CUL2: variants seen among roughly 807,000 people sequenced by gnomAD.
The protein encoded by CUL2 is cullin 2.
A neutral mutation model predicts 110.2 loss-of-function variants in CUL2; 22 were observed. The ratio of observed to expected loss-of-function variants is 0.20; its 90% CI spans 0.14 to 0.28. CUL2 has a LOEUF of 0.28. Among genes scored for constraint, CUL2 ranks in the 10% least tolerant of loss-of-function variants. The pLI, the probability that CUL2 is intolerant of heterozygous loss-of-function variation, is 1.00. For missense variants in CUL2, 631 were observed against 905.5 expected, an observed-to-expected ratio of 0.70 and a Z score of 3.89; for synonymous variants, 279 against 293.2, an observed-to-expected ratio of 0.95 and a Z score of 0.49.
intron 8 of CUL2, among the ~76,000 whole-genome samples, chr10:35,041,835 C>A (rs143257978): frequency 1.3e-5 from 2 of 152,284 alleles, no homozygotes; most frequent in East Asian, 3.9e-4. Flanking sequence ...CCGTGCCCAG[C>A]CTGAAATAAG....
At chr10:35,072,678 T>G (rs1393769309) in intron 1 of CUL2, among the ~76,000 whole-genome samples, 1 of 152,192 alleles carries the variant, frequency 6.6e-6, no homozygotes, top group Non-Finnish European at 1.5e-5. Context: ...CAGAATGGGC[T>G]TTTAAGGGAG....
chr10:35,020,246 AAC>A (rs1340521764), intron 17 of CUL2, among the ~76,000 whole-genome samples: 4 of 152,218 alleles, frequency 2.6e-5, no homozygotes, highest in Non-Finnish European at 5.9e-5. Context: ...GTCTGTTCAA[AAC>A]AGTGTGTCAA....
intron 17 of CUL2, among the ~76,000 whole-genome samples, chr10:35,023,836 A>G (rs1282629962): frequency 4.6e-5 from 7 of 152,084 alleles, no homozygotes; most frequent in Non-Finnish European, 1.5e-5. Flanking sequence ...AAAATAGAAC[A>G]TATTGATTGA....
intron 17 of CUL2, among the ~76,000 whole-genome samples, chr10:35,018,362 C>T (rs1216089081): frequency 6.8e-6 from 1 of 146,660 alleles, no homozygotes; most frequent in African/African-American, 2.5e-5. Context: ...ATTGTTAACT[C>T]AAGGAAGCTG....
intron 17 of CUL2, among the ~76,000 whole-genome samples, chr10:35,017,587 G>A (rs1385020124): frequency 6.6e-6 from 1 of 151,814 alleles, no homozygotes; most frequent in Non-Finnish European, 1.5e-5. Context: ...CCAGCTACTC[G>A]GGAGGCTAAG....
chr10:35,055,177 A>G (rs993133191), intron 4 of CUL2, among the ~76,000 whole-genome samples: 1 of 152,254 alleles, frequency 6.6e-6, no homozygotes, highest in African/African-American at 2.4e-5. Flanking sequence ...GTAATGTTCA[A>G]CTGTGTAGTT....
intron 6 of CUL2, among the ~76,000 whole-genome samples, chr10:35,045,396 G>A (rs1246083407): frequency 6.9e-6 from 1 of 145,008 alleles, no homozygotes; most frequent in East Asian, 2.1e-4. Flanking sequence ...TGAGCTGCCT[G>A]GGCAATAGAG....
chr10:35,086,259 G>A (rs1370128410), intron 1 of CUL2, among the ~76,000 whole-genome samples: 1 of 151,966 alleles, frequency 6.6e-6, no homozygotes, highest in Admixed American at 6.6e-5. Context: ...CACTTAGGGA[G>A]GCTGAGGTGG....
intron 1 of CUL2, among the ~76,000 whole-genome samples, chr10:35,071,580 A>G (rs1378674808): frequency 6.6e-6 from 1 of 150,678 alleles, no homozygotes; most frequent in African/African-American, 2.4e-5. Context: ...AATTTTTTGT[A>G]TTTTTTTTTA....
intron 8 of CUL2, among the ~76,000 whole-genome samples, chr10:35,039,996 A>T (rs1182219287): frequency 6.6e-6 from 1 of 152,172 alleles, no homozygotes; most frequent in Non-Finnish European, 1.5e-5. Flanking sequence ...CTACAAAAAT[A>T]CAAAAAATTA....
chr10:35,024,943 A>C (rs1216351235), intron 17 of CUL2, among the ~76,000 whole-genome samples, 189 bp downstream of exon 17: 1 of 152,212 alleles, frequency 6.6e-6, no homozygotes. Context: ...CAAGATTATA[A>C]ACAGTGTAAT....
intron 2 of CUL2, among the ~76,000 whole-genome samples, chr10:35,099,808 C>A (rs931038921): frequency 6.6e-6 from 1 of 151,902 alleles, no homozygotes; most frequent in Non-Finnish European, 1.5e-5. Flanking sequence ...AGAATCTGAG[C>A]TAAGTGTCAA....
At chr10:35,053,348 C>G (rs576405863) in intron 5 of CUL2, among the ~76,000 whole-genome samples, 9 of 152,080 alleles carry the variant, frequency 5.9e-5, no homozygotes, top group Admixed American at 4.6e-4. Context: ...CAACATATAC[C>G]TATAATTTTG....
chr10:35,008,937 A>AT lies in CUL2; in HGVS notation c.*1373dup, dbSNP rs912497937. On this transcript the variant is annotated 3_prime_UTR_variant, in exon 21 of 21. Coordinates refer to ENST00000374749, the MANE Select transcript of CUL2 (RefSeq NM_003591.4). ...GCTTTAAAATATTCCGATTTTAAAA[A>AT]TTTTGTGTTGGATGGATGCAGTGGC... The AT allele has an allele frequency of 1.1e-4, 17 of 151,996 alleles. No homozygotes were observed. The highest frequency in any genetic ancestry group is 9.8e-4 in the Admixed American group (15 of 15,242). 9.4% of individuals were successfully genotyped at this position (151,996 alleles called of 1,614,324 possible).
intron 5 of CUL2, among the ~76,000 whole-genome samples, chr10:35,053,159 G>A (rs11591598): frequency 0.14 from 20,782 of 152,050 alleles, 1,598 homozygotes; most frequent in South Asian, 0.2. Context: ...GAAAAGATGC[G>A]AACTAAATTG....
Position 35,061,906 on chromosome 10 carries a change from C to G in CUL2, c.223-938G>C, listed in dbSNP as rs146949667. 7.2e-3 allele frequency among the ~76,000 whole-genome samples: 1,092 copies of G among 152,004 alleles called. 14 individuals are homozygous for G. Among genetic ancestry groups the G allele is most frequent in the African/African-American group, 0.025 (1,030 of 41,444 alleles). ...TACAGGTGTAAGCCACCGCACCAGG[C>G]CAGTTCTTACCATTTAAAAAAGTAT... On this transcript the variant is annotated intron_variant, in intron 3 of 20. Transcript: ENST00000374749.
intron 8 of CUL2, among the ~76,000 whole-genome samples, chr10:35,042,130 C>T (rs2085808428): frequency 6.6e-6 from 1 of 151,438 alleles, no homozygotes; most frequent in African/African-American, 2.5e-5. Context: ...TTTCATTACC[C>T]CATCAGAAAC....
At chr10:35,016,447 A>C in intron 17 of CUL2, 53 bp from the exon 18 acceptor site, 2 of 1,349,004 alleles carry the variant, frequency 1.5e-6, no homozygotes, top group Non-Finnish European at 2.1e-6. Context: ...GAAACATTTC[A>C]AATTTACTTT....
chr10:35,054,861 CAG>C (rs746416508), intron 4 of CUL2, among the ~76,000 whole-genome samples: 18 of 152,014 alleles, frequency 1.2e-4, no homozygotes, highest in Non-Finnish European at 2.1e-4. Context: ...AAAAATTAAA[CAG>C]AGAATGGTTA....
Sources: gnomAD v4.1 joint callset for allele counts (sites outside exome capture counted in the v4.1 genomes callset) on GRCh38, gnomAD v4.1.1 for gene constraint, MANE v1.5 for transcripts, NCBI Gene and HGNC (gene_info 2026-07-23, HGNC 2026-07-21) for gene names.